USP49: variants seen among roughly 807,000 people sequenced by gnomAD.
USP49 encodes the protein ubiquitin carboxyl-terminal hydrolase 49.
USP49 carries 24 observed loss-of-function variants against 58.6 expected under a neutral mutation model. The observed-to-expected ratio is 0.41, with a 90% CI of 0.30 to 0.58. The LOEUF is 0.58. Among genes scored for constraint, USP49 ranks in the 20% least tolerant of loss-of-function variants. The pLI is 0.30. For synonymous variants in USP49, 408 were observed against 365.1 expected (o/e 1.12, Z -1.34); for missense variants, 703 against 866.1 (o/e 0.81, Z 2.36).
intron 2 of USP49, among the ~76,000 whole-genome samples, chr6:41,874,799 C>G (rs780164668): frequency 6.6e-6 from 1 of 152,136 alleles, no homozygotes; most frequent in African/African-American, 2.4e-5. Flanking sequence ...CCTACCTCTA[C>G]AAAAAATAAT....
chr6:41,882,022 C>A (rs1582038338), intron 2 of USP49, among the ~76,000 whole-genome samples: 1 of 150,052 alleles, frequency 6.7e-6, no homozygotes, highest in African/African-American at 2.5e-5. Flanking sequence ...TAAACTAAAT[C>A]TAAATATTTA....
chr6:41,892,022 A>T (rs1215289033), intron 1 of USP49, 147 bp from the exon 2 acceptor site: 1 of 152,244 alleles, frequency 6.6e-6, no homozygotes, highest in Non-Finnish European at 1.5e-5. Flanking sequence ...ATGAAAATAA[A>T]GCTTAAATTT....
chr6:41,807,661 C>A (rs539961918), intron 3 of USP49, among the ~76,000 whole-genome samples: 16 of 151,984 alleles, frequency 1.1e-4, no homozygotes, highest in Non-Finnish European at 1.9e-4. Context: ...AGGTTGGTCT[C>A]GAACTCCTGA....
chr6:41,845,857 C>T (rs1773913499), intron 3 of USP49, among the ~76,000 whole-genome samples: 1 of 151,750 alleles, frequency 6.6e-6, no homozygotes, highest in South Asian at 2.1e-4. Context: ...TTTTAACATG[C>T]AGGATTGTTT....
chr6:41,865,707 T>A (rs758838608), intron 3 of USP49, among the ~76,000 whole-genome samples: 1 of 151,766 alleles, frequency 6.6e-6, no homozygotes, highest in Non-Finnish European at 1.5e-5. Context: ...GATGTGATTA[T>A]AGCTCACTGT....
intron 4 of USP49, among the ~76,000 whole-genome samples, chr6:41,804,695 T>A (rs1773077450): frequency 6.6e-6 from 1 of 152,180 alleles, no homozygotes; most frequent in Non-Finnish European, 1.5e-5. Flanking sequence ...TGTAGAGGTT[T>A]TACCTGAAAC....
Position 41,814,568 on chromosome 6 carries a change from C to T in USP49, c.-28-7557G>A, listed in dbSNP as rs531181428. On this transcript the variant is annotated intron_variant, in intron 3 of 7. Coordinates refer to ENST00000682992, the MANE Select transcript of USP49 (RefSeq NM_001286554.2). Reference sequence around the variant, plus strand: ...TCAAATAGCAAATTTCTCAGCAGGTCTTAACTATATAACTACATCATCAGA... The same window carrying T: ...TCAAATAGCAAATTTCTCAGCAGGTTTTAACTATATAACTACATCATCAGA... Among the ~76,000 whole-genome samples, 7 of 152,126 alleles carry T rather than the reference C, an allele frequency of 4.6e-5. 1 individual carries two copies. Among genetic ancestry groups the T allele is most frequent in the African/African-American group, 1.7e-4 (7 of 41,500 alleles).
chr6:41,838,944 A>G (rs923630609), intron 3 of USP49, among the ~76,000 whole-genome samples: 2 of 152,232 alleles, frequency 1.3e-5, no homozygotes, highest in Non-Finnish European at 2.9e-5. Flanking sequence ...AACTATGGAC[A>G]TTAAATAATC....
intron 3 of USP49, among the ~76,000 whole-genome samples, chr6:41,828,954 G>T (rs1773587929): frequency 6.6e-6 from 1 of 152,080 alleles, no homozygotes; most frequent in Non-Finnish European, 1.5e-5. Context: ...ATTATATGAA[G>T]TCCTCCCATC....
In USP49 at chr6:41,795,655, A is replaced by ATC. The variant is rs1269437499; in HGVS notation, c.*876_*877dup. Reference sequence around the variant, plus strand: ...TTCAATAAGCCCTGGAGCATCAGCTATCTCTGCCCACCCTCAATTGAGTTC... The same window carrying ATC: ...TTCAATAAGCCCTGGAGCATCAGCTATCTCTCTGCCCACCCTCAATTGAGTTC... On this transcript the variant is annotated 3_prime_UTR_variant, in exon 8 of 8. Coordinates refer to ENST00000682992, the MANE Select transcript of USP49 (RefSeq NM_001286554.2). 2.0e-5 allele frequency: 3 copies of ATC among 152,238 alleles called. No homozygotes were observed. Among genetic ancestry groups the ATC allele is most frequent in the African/African-American group, 7.2e-5 (3 of 41,466 alleles). The allele number at this position is 152,238 out of a possible 1,614,324, so 9.4% of individuals were successfully genotyped here. A position where few individuals can be genotyped will look rare whatever the true frequency, so the allele number is the denominator to read the frequency against.
intron 2 of USP49, among the ~76,000 whole-genome samples, chr6:41,889,526 A>G (rs1182939793): frequency 6.6e-6 from 1 of 152,178 alleles, no homozygotes; most frequent in Non-Finnish European, 1.5e-5. Flanking sequence ...ACATCCATGC[A>G]TGAGCACACC....
chr6:41,813,552 G>T (rs1773294980), intron 3 of USP49, among the ~76,000 whole-genome samples: 1 of 152,054 alleles, frequency 6.6e-6, no homozygotes, highest in East Asian at 1.9e-4. Flanking sequence ...AATGAAAAGG[G>T]CACTTTGGAA....
At chr6:41,886,206 T>G (rs562356897) in intron 2 of USP49, among the ~76,000 whole-genome samples, 6 of 152,216 alleles carry the variant, frequency 3.9e-5, no homozygotes, top group Non-Finnish European at 8.8e-5. Context: ...GTGGTTGTAT[T>G]AGAACATAAA....
At chr6:41,823,120 A>C (rs575412098) in intron 3 of USP49, among the ~76,000 whole-genome samples, 7 of 152,258 alleles carry the variant, frequency 4.6e-5, no homozygotes, top group Non-Finnish European at 7.3e-5. Context: ...AACAATGTGT[A>C]TAATATATCA....
Position 41,799,872 on chromosome 6 carries a change from T to C in USP49, c.1628A>G (p.Tyr543Cys). 1 of 1,614,164 alleles carries C rather than the reference T, an allele frequency of 6.2e-7. No individual in the cohort carries two copies. Among genetic ancestry groups the C allele is most frequent in the Non-Finnish European group, 8.5e-7 (1 of 1,179,994 alleles). Reference sequence around the variant, plus strand: ...CAGCCGGAGAACCTGAGGTAGTCTGTAGATCATTAACTGCTTTCTAGCTTC... The same window carrying C: ...CAGCCGGAGAACCTGAGGTAGTCTGCAGATCATTAACTGCTTTCTAGCTTC... Reference protein sequence around the residue: ...LSEARKQLMIYRLPQVLRLHL... With the variant: ...LSEARKQLMICRLPQVLRLHL... The change falls in exon 6 of 8, where the codon TAC (tyrosine) becomes TGC (cysteine). Residue 543 changes from tyrosine to cysteine, a missense_variant. Physicochemically the swap from Tyr to Cys is radical, Grantham distance 194. Around this residue, in one of 6 missense-constraint regions of USP49, gnomAD observed 158 missense variants for 241.2 expected, o/e 0.66. Transcript: ENST00000682992.
chr6:41,835,727 A>C (rs1448269187), intron 3 of USP49, among the ~76,000 whole-genome samples: 3 of 151,300 alleles, frequency 2.0e-5, no homozygotes, highest in African/African-American at 7.3e-5. Context: ...AACAGAAAAA[A>C]AAACACCAGA....
intron 2 of USP49, among the ~76,000 whole-genome samples, chr6:41,885,178 A>C (rs1774687216): frequency 6.6e-6 from 1 of 152,238 alleles, no homozygotes; most frequent in African/African-American, 2.4e-5. Flanking sequence ...TTTCACAAGC[A>C]CACTGCTGGC....
intron 3 of USP49, among the ~76,000 whole-genome samples, chr6:41,836,041 G>A (rs1405795709): frequency 6.6e-6 from 1 of 152,098 alleles, no homozygotes; most frequent in East Asian, 1.9e-4. Context: ...TCATACCACT[G>A]CACTCCAGCC....
chr6:41,857,523 G>T (rs1310401417), intron 3 of USP49, among the ~76,000 whole-genome samples: 3 of 152,182 alleles, frequency 2.0e-5, no homozygotes, highest in Non-Finnish European at 4.4e-5. Context: ...GTGCATGCTT[G>T]TAGTCCCAGC....
Sources: allele counts gnomAD v4.1 joint callset (sites outside exome capture counted in the v4.1 genomes callset), GRCh38; gene constraint gnomAD v4.1.1; regional missense constraint gnomAD v4.1.1; transcripts MANE v1.5; gene names NCBI Gene and HGNC (gene_info 2026-07-23, HGNC 2026-07-21).